Variants in RNFT2 observed in about 807,000 individuals in gnomAD.
The protein encoded by RNFT2 is ring finger protein, transmembrane 2.
A neutral mutation model predicts 53.0 loss-of-function variants in RNFT2; 36 were observed. The ratio of observed to expected loss-of-function variants is 0.68; its 90% CI spans 0.52 to 0.90. RNFT2 has a LOEUF of 0.90. RNFT2 is among the 40% of genes least tolerant of loss of function. The pLI is 0.00. For missense variants in RNFT2, 514 were observed against 585.6 expected, an observed-to-expected ratio of 0.88 and a Z score of 1.26; for synonymous variants, 260 against 253.2, an observed-to-expected ratio of 1.03 and a Z score of -0.26.
In RNFT2 at chr12:116,839,336, G is replaced by A. The variant is rs114149041; in HGVS notation, c.1200+3054G>A. 2.6e-3 allele frequency among the ~76,000 whole-genome samples: 383 copies of A among 149,596 alleles called. 1 individual carries two copies. Among genetic ancestry groups the A allele is most frequent in the African/African-American group, 8.9e-3 (367 of 41,006 alleles). ...GGAGGGATGGATGGACAGAAGGAAG[G>A]ATGGATGGGATGGTTGGATGGAATG... On this transcript the variant is annotated intron_variant, in intron 10 of 10. Coordinates refer to ENST00000257575, the MANE Select transcript of RNFT2 (RefSeq NM_001382266.1).
intron 7 of RNFT2, among the ~76,000 whole-genome samples, chr12:116,814,048 G>A (rs146463217): frequency 2.6e-5 from 4 of 152,268 alleles, no homozygotes; most frequent in Admixed American, 2.0e-4. Flanking sequence ...CAGAGGAAAC[G>A]GGGCCTTGGA....
chr12:116,750,433 A>G, intron 4 of RNFT2, 126 bp downstream of exon 4: 2 of 896,842 alleles, frequency 2.2e-6, no homozygotes, highest in East Asian at 2.7e-5. Flanking sequence ...GGGCTTCAGG[A>G]TGTGGGATTC....
rs547470018 is a variant in RNFT2 at position 116,754,572 on chromosome 12, C to G, written c.627+512C>G. Among the ~76,000 whole-genome samples, 9 of 152,260 alleles carry G rather than the reference C, an allele frequency of 5.9e-5. No individual in the cohort carries two copies. The East Asian group carries it at 1.7e-3, about 29-fold the overall frequency. On this transcript the variant is annotated intron_variant, in intron 5 of 10. Coordinates refer to ENST00000257575, the MANE Select transcript of RNFT2 (RefSeq NM_001382266.1). ...TTGAAGAATCTCTCACACTGTTTTT[C>G]ATAGCGGTTGTACTAGTTTACATTC...
chr12:116,840,010 C>T (rs925578412), intron 10 of RNFT2, among the ~76,000 whole-genome samples: 3 of 152,160 alleles, frequency 2.0e-5, no homozygotes, highest in African/African-American at 4.8e-5. Flanking sequence ...ATGGTGTGCC[C>T]TCTGACAGGC....
At chr12:116,749,040 A>G (rs1872042436) in intron 3 of RNFT2, among the ~76,000 whole-genome samples, 2 of 152,184 alleles carry the variant, frequency 1.3e-5, no homozygotes, top group Non-Finnish European at 2.9e-5. Context: ...GTTACGACCT[A>G]TTGTTATTAA....
intron 7 of RNFT2, among the ~76,000 whole-genome samples, chr12:116,832,793 G>T (rs1876745771): frequency 6.6e-6 from 1 of 152,050 alleles, no homozygotes; most frequent in Admixed American, 6.6e-5. Flanking sequence ...AACCCCGTAA[G>T]GTGGGAATTC....
rs533584064 is a variant in RNFT2 at position 116,849,382 on chromosome 12, G to C, written c.1269G>C (p.Ser423=). ...DRERTCPLCR[S]VAVDTLRCWK... is the part of the protein sequence containing the mutation. Reference sequence around the variant, plus strand: ...AGCGCACCTGCCCGCTCTGCCGCTCGGTCGCCGTGGACACCCTGCGCTGCT... The same window carrying C: ...AGCGCACCTGCCCGCTCTGCCGCTCCGTCGCCGTGGACACCCTGCGCTGCT... Residue 423 remains serine, a synonymous_variant, in exon 11 of 11, where the codon TCG becomes TCC. Transcript: ENST00000257575. 28 of 1,559,304 alleles carry C rather than the reference G, an allele frequency of 1.8e-5. No individual in the cohort carries two copies. The South Asian group carries it at 3.3e-4, about 18-fold the overall frequency.
At chr12:116,750,850 TA>T (rs1345747894) in intron 4 of RNFT2, among the ~76,000 whole-genome samples, 1 of 3,312 alleles carries the variant, frequency 3.0e-4, no homozygotes, top group Non-Finnish European at 6.3e-4. Flanking sequence ...TATATATATA[TA>T]ATATATATTA....
intron 7 of RNFT2, among the ~76,000 whole-genome samples, chr12:116,827,697 C>T (rs534080778): frequency 2.4e-4 from 36 of 152,328 alleles, no homozygotes; most frequent in African/African-American, 8.2e-4. Context: ...GTGCCACAGA[C>T]CGTATGGCCT....
intron 5 of RNFT2, among the ~76,000 whole-genome samples, chr12:116,765,466 C>T (rs894312878): frequency 2.0e-5 from 3 of 152,058 alleles, no homozygotes; most frequent in Admixed American, 6.6e-5. Flanking sequence ...GAGCATTTAC[C>T]GAAACCACAG....
At position 116,743,213 on chromosome 12, in the gene RNFT2, T is replaced by TAAAAAAAA. The variant is rs762013507; in HGVS notation, c.83+2143_83+2150dup. Among the ~76,000 whole-genome samples the TAAAAAAAA allele has an allele frequency of 2.7e-3, 29 of 10,676 alleles. 1 individual carries two copies. The highest frequency in any genetic ancestry group is 7.4e-3 in the African/African-American group (23 of 3,112). 7.0% of individuals were successfully genotyped at this position (10,676 alleles called of 152,430 possible). The stretch of plus-strand genomic sequence containing the variant: ...TGATTAATAGATACCAGGTAGAATC[T>TAAAAAAAA]AAAAAAAAAAAAAAAAAAAAAAAAA... On this transcript the variant is annotated intron_variant, in intron 3 of 10. Transcript: ENST00000257575.
rs370440873 is a variant in RNFT2, at chr12:116,777,208, G to A, written c.729-1987G>A. ...GCTGGGATTACAGTCGTGAGCCACC[G>A]TGCCCAGCCTCAAAATGGGATATTC... On this transcript the variant is annotated intron_variant, in intron 6 of 10. Transcript: ENST00000257575. Among the ~76,000 whole-genome samples the A allele has an allele frequency of 9.9e-5, 15 of 152,088 alleles. 1 individual carries two copies. The highest frequency in any genetic ancestry group is 4.6e-4 in the Admixed American group (7 of 15,266).
chr12:116,809,680 C>CT lies in RNFT2; in HGVS notation c.883-24103dup, dbSNP rs112750553. Among the ~76,000 whole-genome samples, 311 of 151,300 alleles carry CT rather than the reference C, an allele frequency of 2.1e-3. 1 individual carries two copies. Among genetic ancestry groups the CT allele is most frequent in the African/African-American group, 6.1e-3 (250 of 41,220 alleles). On this transcript the variant is annotated intron_variant, in intron 7 of 10. Coordinates refer to ENST00000257575, the MANE Select transcript of RNFT2 (RefSeq NM_001382266.1). Reference sequence around the variant, plus strand: ...ACCGGTAGACCCAGAAAGACCTTTTCTTTTTTTTTGAGATGAAGTCTTGCT... The same window carrying CT: ...ACCGGTAGACCCAGAAAGACCTTTTCTTTTTTTTTTGAGATGAAGTCTTGCT...
intron 5 of RNFT2, among the ~76,000 whole-genome samples, chr12:116,758,776 C>T (rs1464549297): frequency 6.6e-6 from 1 of 152,190 alleles, no homozygotes; most frequent in African/African-American, 2.4e-5. Context: ...GTGCTTCTGT[C>T]TCACAGCTCT....
chr12:116,755,607 T>G (rs1249544233), intron 5 of RNFT2: 1 of 977,482 alleles, frequency 1.0e-6, no homozygotes, highest in East Asian at 2.4e-5. Flanking sequence ...ATATGCACAT[T>G]AATTCTCTCG....
intron 4 of RNFT2, among the ~76,000 whole-genome samples, chr12:116,751,155 A>G (rs1432816424): frequency 2.6e-5 from 4 of 151,004 alleles, no homozygotes; most frequent in African/African-American, 4.9e-5. Flanking sequence ...GGCTCAAGCA[A>G]TCCTCCCACC....
At chr12:116,758,523 A>G (rs1167851394) in intron 5 of RNFT2, among the ~76,000 whole-genome samples, 3 of 152,188 alleles carry the variant, frequency 2.0e-5, no homozygotes, top group Admixed American at 1.3e-4. Context: ...AGCAGTTCTT[A>G]TAGTGGTGAC....
At chr12:116,849,208 G>A (rs1228361164) in intron 10 of RNFT2, 106 bp from the exon 11 acceptor site, 10 of 893,810 alleles carry the variant, frequency 1.1e-5, no homozygotes, top group East Asian at 5.4e-5. Flanking sequence ...CAGGCGCCCC[G>A]AAGGCAGGGG....
chr12:116,776,038 CA>C lies in RNFT2; in HGVS notation c.729-3147del, dbSNP rs374092829. Among the ~76,000 whole-genome samples the C allele has an allele frequency of 1.9e-3, 278 of 143,316 alleles. 4 individuals are homozygous for C. The highest frequency in any genetic ancestry group is 6.6e-3 in the African/African-American group (254 of 38,752). 94.0% of individuals were successfully genotyped at this position (143,316 alleles called of 152,430 possible). Reference sequence around the variant, plus strand: ...AGCCTGGGCAACAGAGCGAGACTCTCAAAAAAAAAACAAAAAAACTCGTAAT... The same window carrying C: ...AGCCTGGGCAACAGAGCGAGACTCTCAAAAAAAAACAAAAAAACTCGTAAT... On this transcript the variant is annotated intron_variant, in intron 6 of 10. Coordinates refer to ENST00000257575, the MANE Select transcript of RNFT2 (RefSeq NM_001382266.1).
Sources: allele counts gnomAD v4.1 joint callset (sites outside exome capture counted in the v4.1 genomes callset), GRCh38; gene constraint gnomAD v4.1.1; transcripts MANE v1.5; gene names NCBI Gene and HGNC (gene_info 2026-07-23, HGNC 2026-07-21).